Variants in MRS2 observed in about 807,000 individuals in gnomAD.
MRS2 encodes the protein magnesium transporter MRS2 homolog, mitochondrial.
Under a neutral mutation model 52.6 loss-of-function variants are expected in MRS2, and 40 were observed. The observed-to-expected ratio is 0.76, with a 90% CI of 0.59 to 0.99. MRS2 has a LOEUF of 0.99. Ranked by LOEUF, MRS2 falls within the 50% of genes least tolerant of loss-of-function variation. MRS2 has a pLI of 0.00. For synonymous variants in MRS2, 193 were observed against 195.9 expected (o/e 0.98, Z 0.13); for missense variants, 472 against 532.7 (o/e 0.89, Z 1.12).
At chr6:24,410,729 A>G in intron 4 of MRS2, 1 of 1,528,766 alleles carries the variant, frequency 6.5e-7, no homozygotes, top group Non-Finnish European at 8.8e-7. Context: ...TTCTTCAGAA[A>G]TATTCTCTAC....
intron 1 of MRS2, among the ~76,000 whole-genome samples, chr6:24,404,854 A>G (rs1761410209): frequency 1.3e-5 from 2 of 152,210 alleles, no homozygotes; most frequent in Admixed American, 6.5e-5. Flanking sequence ...AAATCTCAGA[A>G]CACGATGTTG....
In MRS2 at chr6:24,422,834, T is replaced by A. The variant is rs142022250; in HGVS notation, c.1108-103T>A. The A allele has an allele frequency of 1.6e-4, 115 of 731,246 alleles. 1 individual carries two copies. In the African/African-American group the frequency reaches 1.8e-3, roughly 12 times the overall value. 45.3% of individuals were successfully genotyped at this position (731,246 alleles called of 1,614,324 possible). A position where few individuals can be genotyped will look rare whatever the true frequency, so the allele number is the denominator to read the frequency against. On this transcript the variant is annotated intron_variant, in intron 9 of 10. Coordinates refer to ENST00000378386, the MANE Select transcript of MRS2 (RefSeq NM_020662.4). Reference sequence around the variant, plus strand: ...AGTTCCTTTCTACAGGAAAGAGCTGTACAAATAACATAAGGCTTTCAAACT... The same window carrying A: ...AGTTCCTTTCTACAGGAAAGAGCTGAACAAATAACATAAGGCTTTCAAACT...
Position 24,405,182 on chromosome 6 carries a change from T to C in MRS2, c.205T>C (p.Phe69Leu), listed in dbSNP as rs1240907368. 1 of 1,613,728 alleles carries C rather than the reference T, an allele frequency of 6.2e-7. No homozygotes were observed. The highest frequency in any genetic ancestry group is 1.3e-5 in the African/African-American group (1 of 75,022). The stretch of plus-strand genomic sequence containing the variant: ...TTATTCTTCAGGTGAAGTGCACCGG[T>C]TTAGAACCTCTGACGTCTCTCAAGC... Reference protein sequence around the residue: ...RLRVAGEVHRFRTSDVSQATL... With the variant: ...RLRVAGEVHRLRTSDVSQATL... Residue 69 changes from phenylalanine to leucine, a missense_variant, in exon 2 of 11, where the codon TTT becomes CTT. Transcript: ENST00000378386.
chr6:24,405,806 T>C (rs556177517), intron 2 of MRS2, among the ~76,000 whole-genome samples: 44 of 146,684 alleles, frequency 3.0e-4, no homozygotes, highest in African/African-American at 1.1e-3. Flanking sequence ...AAAAAAAGTC[T>C]TGATAAAAAG....
At chr6:24,422,585 C>G (rs762908309) in intron 9 of MRS2, among the ~76,000 whole-genome samples, 1 of 150,372 alleles carries the variant, frequency 6.7e-6, no homozygotes, top group Non-Finnish European at 1.5e-5. Context: ...ACCAGACATT[C>G]AGCTCACAGT....
At chr6:24,405,440 C>T (rs1452614929) in intron 2 of MRS2, among the ~76,000 whole-genome samples, 199 bp downstream of exon 2, 3 of 152,180 alleles carry the variant, frequency 2.0e-5, no homozygotes, top group Admixed American at 6.5e-5. Flanking sequence ...TTGCTAATGA[C>T]TGCAGCTCCC....
intron 5 of MRS2, among the ~76,000 whole-genome samples, chr6:24,414,678 G>A (rs1427075916): frequency 1.3e-5 from 2 of 152,182 alleles, no homozygotes; most frequent in Non-Finnish European, 1.5e-5. Flanking sequence ...CCTCCCAGAC[G>A]GGGTGGCGGC....
rs79955416 is a variant in MRS2, at chr6:24,408,677, C to G, written c.301+233C>G. ...AGGAGCCACTTTTTGCTCTAACAGGCTATTGAAGGAATATTTGGGAGAGCA... is the reference window on the plus strand; with the variant it reads ...AGGAGCCACTTTTTGCTCTAACAGGGTATTGAAGGAATATTTGGGAGAGCA... On this transcript the variant is annotated intron_variant, in intron 3 of 10. Coordinates refer to ENST00000378386, the MANE Select transcript of MRS2 (RefSeq NM_020662.4). 0.12 allele frequency among the ~76,000 whole-genome samples: 18,302 copies of G among 152,216 alleles called. 1,466 individuals are homozygous for G. Among genetic ancestry groups the G allele is most frequent in the East Asian group, 0.16 (813 of 5,180 alleles).
At position 24,415,241 on chromosome 6, in the gene MRS2, C is replaced by T. The variant is rs1401970972; in HGVS notation, c.719+78C>T. 4 of 1,444,364 alleles carry T rather than the reference C, an allele frequency of 2.8e-6. No homozygotes were observed. The East Asian group carries it at 9.5e-5, about 34-fold the overall frequency. The allele number at this position is 1,444,364 out of a possible 1,614,324, so 89.5% of individuals were successfully genotyped here. A position where few individuals can be genotyped will look rare whatever the true frequency, so the allele number is the denominator to read the frequency against. On this transcript the variant is annotated intron_variant, in intron 6 of 10. Transcript: ENST00000378386. ...CAATTATTAACATTTTGTTTCATAA[C>T]TTTTTTTAAAGTATGAAAGTAGCCT...
intron 3 of MRS2, among the ~76,000 whole-genome samples, chr6:24,409,007 CAG>C (rs1050398685): frequency 2.5e-4 from 38 of 152,178 alleles, no homozygotes; most frequent in Middle Eastern, 3.2e-3. Context: ...GAATCAGTCT[CAG>C]GTAATAAATT....
Position 24,412,409 on chromosome 6 carries a change from T to C in MRS2, c.588+14T>C. 1.3e-6 allele frequency: 2 copies of C among 1,515,394 alleles called. No individual in the cohort carries two copies. The highest frequency in any genetic ancestry group is 1.8e-6 in the Non-Finnish European group (2 of 1,130,450). 93.9% of individuals were successfully genotyped at this position (1,515,394 alleles called of 1,614,324 possible). A position where few individuals can be genotyped will look rare whatever the true frequency, so the allele number is the denominator to read the frequency against. ...CTGCAATATTGGGTAAGTCTGTTTT[T>C]ATTTAGCTTCTTGGGTTTATTCTGA... On this transcript the variant is annotated intron_variant, in intron 5 of 10. Transcript: ENST00000378386.
chr6:24,405,789 C>CAA (rs529617637), intron 2 of MRS2, among the ~76,000 whole-genome samples: 13 of 109,898 alleles, frequency 1.2e-4, no homozygotes, highest in East Asian at 5.4e-4. Flanking sequence ...TTTTTTTTTC[C>CAA]AAAAAAAAAA....
intron 4 of MRS2, among the ~76,000 whole-genome samples, chr6:24,410,503 T>C (rs1460872305): frequency 1.3e-5 from 2 of 152,198 alleles, no homozygotes; most frequent in Non-Finnish European, 2.9e-5. Context: ...AGATTTTTGT[T>C]CATTTTTCTA....
chr6:24,417,350 T>C (rs1231863653), intron 7 of MRS2, among the ~76,000 whole-genome samples: 1 of 152,226 alleles, frequency 6.6e-6, no homozygotes, highest in African/African-American at 2.4e-5. Flanking sequence ...CAAAAACATT[T>C]TCTTTATATG....
chr6:24,409,971 A>G (rs992969233), intron 4 of MRS2, among the ~76,000 whole-genome samples: 1 of 152,178 alleles, frequency 6.6e-6, no homozygotes, highest in African/African-American at 2.4e-5. Context: ...TAGCACAGGA[A>G]TAGACATTAA....
chr6:24,423,030 G>T lies in MRS2; in HGVS notation c.1201G>T (p.Glu401Ter), dbSNP rs1337806296. Residue 401 changes from glutamate to a stop codon, truncating the protein, a stop_gained, in exon 10 of 11, where the codon GAA becomes TAA. Coordinates refer to ENST00000378386, the MANE Select transcript of MRS2 (RefSeq NM_020662.4). LOFTEE classifies it low-confidence loss of function (END_TRUNC). ...RLLSFLGRQL[E>*]APLPPMMASL... ...GCTTTCATTCCTTGGACGACAGCTA[G>T]AAGCTCCATTGCCTCCTATGGTATG... 1.9e-6 allele frequency: 3 copies of T among 1,613,932 alleles called. No homozygotes were observed. The highest frequency in any genetic ancestry group is 2.5e-6 in the Non-Finnish European group (3 of 1,179,838).
chr6:24,422,547 T>C (rs975176267), intron 9 of MRS2, among the ~76,000 whole-genome samples: 1 of 151,842 alleles, frequency 6.6e-6, no homozygotes, highest in Non-Finnish European at 1.5e-5. Flanking sequence ...TTTAAAATAT[T>C]CTGAGGTGCT....
At chr6:24,412,781 C>T (rs1761712534) in intron 5 of MRS2, among the ~76,000 whole-genome samples, 1 of 152,116 alleles carries the variant, frequency 6.6e-6, no homozygotes, top group South Asian at 2.1e-4. Context: ...AATTAAGAGT[C>T]CTTAGATGTC....
chr6:24,408,531 A>G, intron 3 of MRS2, 87 bp downstream of exon 3: 1 of 1,007,910 alleles, frequency 9.9e-7, no homozygotes, highest in Admixed American at 1.9e-5. Flanking sequence ...TTTGAGTAAA[A>G]TATTCTTTGC....
Sources: allele counts gnomAD v4.1 joint callset (sites outside exome capture counted in the v4.1 genomes callset), GRCh38; gene constraint gnomAD v4.1.1; transcripts MANE v1.5; gene names NCBI Gene and HGNC (gene_info 2026-07-23, HGNC 2026-07-21).